Variants in PROX1 observed in about 807,000 individuals in gnomAD.
PROX1 encodes prospero homeobox 1.
Under a neutral mutation model 58.8 loss-of-function variants are expected in PROX1, and 7 were observed. That is an observed-to-expected ratio of 0.12 (90% CI 0.07 to 0.22). The LOEUF (loss-of-function observed/expected upper bound fraction) is 0.22, where lower values mean the gene tolerates loss of function less well. Ranked by LOEUF, PROX1 falls within the 10% of genes least tolerant of loss-of-function variation. PROX1 has a pLI of 1.00. For missense variants in PROX1, 675 were observed against 927.8 expected, an observed-to-expected ratio of 0.73 and a Z score of 3.54; for synonymous variants, 350 against 358.3, an observed-to-expected ratio of 0.98 and a Z score of 0.26.
chr1:214,002,372 A>C lies in PROX1; in HGVS notation c.1726-2793A>C, dbSNP rs1015686696. ...ATTCCCGAGCAGATGTCTTTCATTA[A>C]TTTATGGATTTATCATCTTTTCTTT... On this transcript the variant is annotated intron_variant, in intron 2 of 4. Coordinates refer to ENST00000366958, the MANE Select transcript of PROX1 (RefSeq NM_001270616.2). Among the ~76,000 whole-genome samples, 4 of 137,682 alleles carry C rather than the reference A, an allele frequency of 2.9e-5. No individual in the cohort carries two copies. In the East Asian group the frequency reaches 8.5e-4, roughly 29 times the overall value. The allele number at this position is 137,682 out of a possible 152,430, so 90.3% of individuals were successfully genotyped here.
intron 4 of PROX1, among the ~76,000 whole-genome samples, chr1:214,028,060 C>T (rs1160880833): frequency 4.0e-5 from 6 of 151,878 alleles, no homozygotes; most frequent in Admixed American, 1.3e-4. Context: ...GGGTATTAGA[C>T]GAATCTAATC....
intron 4 of PROX1, among the ~76,000 whole-genome samples, chr1:214,033,423 C>T (rs1463192048): frequency 6.6e-6 from 1 of 152,110 alleles, no homozygotes; most frequent in Non-Finnish European, 1.5e-5. Context: ...CATGGTGAAA[C>T]CCCATCTCTA....
chr1:214,020,257 C>T (rs1415779281), intron 4 of PROX1, among the ~76,000 whole-genome samples: 1 of 152,144 alleles, frequency 6.6e-6, no homozygotes, highest in African/African-American at 2.4e-5. Flanking sequence ...TTATTTGCAC[C>T]TGTGCATTGC....
At chr1:214,020,018 C>T (rs975452534) in intron 4 of PROX1, among the ~76,000 whole-genome samples, 1 of 152,120 alleles carries the variant, frequency 6.6e-6, no homozygotes, top group Non-Finnish European at 1.5e-5. Flanking sequence ...CCACTCCTGA[C>T]CACCTTTCCT....
chr1:213,997,786 T>C lies in PROX1; in HGVS notation c.1251T>C (p.Ile417=). 6.2e-7 allele frequency: 1 copy of C among 1,614,150 alleles called. No homozygotes were observed. Among genetic ancestry groups the C allele is most frequent in the South Asian group, 1.1e-5 (1 of 91,072 alleles). ...TGCAGTGCTTTGGCGACGTCATCAT[T>C]CCGAACCCCCTGGACACCTTTGGCA... The part of the protein sequence containing the change: ...QRLQCFGDVI[I]PNPLDTFGNV... Residue 417 remains isoleucine (I), a synonymous_variant, in exon 2 of 5, where the codon ATT becomes ATC. Transcript: ENST00000366958. This position sits in a 1 kb window ranked among gnomAD's most constrained non-coding sequence, Gnocchi z 7.1.
In PROX1 at chr1:213,996,977, A is replaced by T; in HGVS notation, c.442A>T (p.Thr148Ser). Residue 148 changes from threonine to serine, a missense_variant, in exon 2 of 5, where the codon ACT becomes TCT. Thr to Ser is a moderately conservative substitution (Grantham distance 58). This residue lies in a region of PROX1 where 157 missense variants were observed against 197.8 expected (regional missense o/e 0.79). Coordinates refer to ENST00000366958, the MANE Select transcript of PROX1 (RefSeq NM_001270616.2). Reference sequence around the variant, plus strand: ...GTGTCTTTCCCCTTTTGGCAGGCCTACTATGAGCCAGTTTGATATGGATCG... The same window carrying T: ...GTGTCTTTCCCCTTTTGGCAGGCCTTCTATGAGCCAGTTTGATATGGATCG... ...PECLSPFGRP[T>S]MSQFDMDRLC... The T allele has an allele frequency of 6.2e-7, 1 of 1,614,144 alleles. No homozygotes were observed. Among genetic ancestry groups the T allele is most frequent in the Non-Finnish European group, 8.5e-7 (1 of 1,180,050 alleles).
rs189248252 is a variant in PROX1 at position 214,039,773 on chromosome 1, C to T, written c.*3939C>T. The T allele has an allele frequency of 6.6e-6, 1 of 151,976 alleles. No homozygotes were observed. Among genetic ancestry groups the T allele is most frequent in the East Asian group, 1.9e-4 (1 of 5,168 alleles). 9.4% of individuals were successfully genotyped at this position (151,976 alleles called of 1,614,324 possible). The stretch of plus-strand genomic sequence containing the variant: ...ATGAAGACATTTAGTAAGTAACACC[C>T]CCCCTTCCCATGCGCACATGTGCGC... On this transcript the variant is annotated 3_prime_UTR_variant, in exon 5 of 5. Coordinates refer to ENST00000366958, the MANE Select transcript of PROX1 (RefSeq NM_001270616.2).
In PROX1 at chr1:213,996,628, T is replaced by G; in HGVS notation, c.93T>G (p.Ser31=). 1 of 1,614,202 alleles carries G rather than the reference T, an allele frequency of 6.2e-7. No individual in the cohort carries two copies. Among genetic ancestry groups the G allele is most frequent in the Non-Finnish European group, 8.5e-7 (1 of 1,180,038 alleles). The change falls in exon 2 of 5, where the codon TCT becomes TCG. Residue 31 remains serine, a synonymous_variant. Transcript: ENST00000366958. Reference sequence around the variant, plus strand: ...TGAAAAGGACGGTAGGGACAGCATCTGCATTTTTTGCTAAGGCAAGAGCAA... The same window carrying G: ...TGAAAAGGACGGTAGGGACAGCATCGGCATTTTTTGCTAAGGCAAGAGCAA... ...IGVKRTVGTA[S]AFFAKARATF... is the part of the protein sequence containing the mutation.
intron 4 of PROX1, among the ~76,000 whole-genome samples, chr1:214,026,736 G>C (rs566300565): frequency 4.6e-5 from 7 of 152,274 alleles, no homozygotes; most frequent in African/African-American, 1.7e-4. Context: ...AAGATACTCA[G>C]GGTGTATCTC....
At chr1:213,985,353 G>C (rs1014970486), upstream of PROX1, 1 of 152,364 alleles carries the variant, frequency 6.6e-6, no homozygotes, top group Non-Finnish European at 1.5e-5. Flanking sequence ...CGCAGCTCTA[G>C]CAAGAGAGGT....
At position 214,037,757 on chromosome 1, in the gene PROX1, T is replaced by G. The variant is rs1318543728; in HGVS notation, c.*1923T>G. The G allele has an allele frequency of 6.6e-6, 1 of 152,148 alleles. No individual in the cohort carries two copies. Among genetic ancestry groups the G allele is most frequent in the African/African-American group, 2.4e-5 (1 of 41,416 alleles). 9.4% of individuals were successfully genotyped at this position (152,148 alleles called of 1,614,324 possible). ...AGTCATTAGATCCAATTTGTTATTTTTCTCACTTGCTTTAAAAAAAAGCAG... is the reference window on the plus strand; with the variant it reads ...AGTCATTAGATCCAATTTGTTATTTGTCTCACTTGCTTTAAAAAAAAGCAG... On this transcript the variant is annotated 3_prime_UTR_variant, in exon 5 of 5. Coordinates refer to ENST00000366958, the MANE Select transcript of PROX1 (RefSeq NM_001270616.2).
At chr1:213,990,658 TCGTGTGTG>T (rs1369806749) in intron 1 of PROX1, among the ~76,000 whole-genome samples, 9 of 75,714 alleles carry the variant, frequency 1.2e-4, no homozygotes, top group Admixed American at 1.1e-3. Context: ...GAGAGAACTG[TCGTGTGTG>T]TGTGTGTGTG....
rs138665942 is a variant in PROX1 at position 214,016,714 on chromosome 1, C to T, written c.2028+4999C>T. 3.3e-3 allele frequency among the ~76,000 whole-genome samples: 501 copies of T among 152,140 alleles called. 1 individual carries two copies. Among genetic ancestry groups the T allele is most frequent in the Non-Finnish European group, 5.3e-3 (363 of 68,010 alleles). On this transcript the variant is annotated intron_variant, in intron 4 of 4. Transcript: ENST00000366958. ...TGATTGCCTGAAATTTGAAGGAGAG[C>T]GCAGTAAAGACACCAGGTTGGAAGT...
In PROX1 at chr1:213,997,462, C is replaced by G; in HGVS notation, c.927C>G (p.Asp309Glu). ...MCELDPGQFI[D>E]RARALIREQE... ...AGCTAGACCCAGGACAGTTTATTGA[C>G]CGAGCTCGAGCCCTGATCAGAGAGC... Residue 309 changes from aspartate to glutamate, a missense_variant, in exon 2 of 5, where the codon GAC becomes GAG. By Grantham distance (45) the Asp-to-Glu change is conservative. Around this residue, in one of 8 missense-constraint regions of PROX1, gnomAD observed 403 missense variants for 477.4 expected, o/e 0.84. Coordinates refer to ENST00000366958, the MANE Select transcript of PROX1 (RefSeq NM_001270616.2). This position sits in a 1 kb window ranked among gnomAD's most constrained non-coding sequence, Gnocchi z 7.1. The G allele has an allele frequency of 6.2e-7, 1 of 1,614,090 alleles. No individual in the cohort carries two copies. The highest frequency in any genetic ancestry group is 8.5e-7 in the Non-Finnish European group (1 of 1,180,028).
chr1:214,009,466 C>G (rs1663832884), intron 3 of PROX1, among the ~76,000 whole-genome samples: 1 of 152,114 alleles, frequency 6.6e-6, no homozygotes, highest in Admixed American at 6.5e-5. Flanking sequence ...AAAGCGGGGG[C>G]TTGCTTTTGC....
At position 214,038,613 on chromosome 1, in the gene PROX1, T is replaced by C. The variant is rs1450426017; in HGVS notation, c.*2779T>C. ...ATTTTTGCGTATACGCTTGAGGTTA[T>C]AGTCTGTGCCTAGACCTAAAATGCA... On this transcript the variant is annotated 3_prime_UTR_variant, in exon 5 of 5. Transcript: ENST00000366958. The C allele has an allele frequency of 6.6e-6, 1 of 152,216 alleles. No homozygotes were observed. The highest frequency in any genetic ancestry group is 1.5e-5 in the Non-Finnish European group (1 of 68,024). 9.4% of individuals were successfully genotyped at this position (152,216 alleles called of 1,614,324 possible).
chr1:214,000,337 G>A (rs974680615), intron 2 of PROX1, among the ~76,000 whole-genome samples: 1 of 152,138 alleles, frequency 6.6e-6, no homozygotes, highest in East Asian at 1.9e-4. Context: ...CAAATCCCCG[G>A]AGGAATTTTG....
At chr1:214,011,316 TA>T (rs1663901424) in intron 3 of PROX1, among the ~76,000 whole-genome samples, 1 of 152,204 alleles carries the variant, frequency 6.6e-6, no homozygotes, top group Non-Finnish European at 1.5e-5. Flanking sequence ...AGGGTTGTGA[TA>T]TGATTTCCAT....
rs1015109987 is a variant in PROX1, at chr1:214,009,553, G to A, written c.1834-1968G>A. On this transcript the variant is annotated intron_variant, in intron 3 of 4. Transcript: ENST00000366958. ...GAAACCCTGTTCCTTAGGCTGTTGG[G>A]CTGGTCATTTCGCTTGCCTCATGTT... Among the ~76,000 whole-genome samples the A allele has an allele frequency of 2.0e-5, 3 of 152,110 alleles. 1 individual carries two copies. The South Asian group carries it at 6.2e-4, about 32-fold the overall frequency.
Sources: gnomAD v4.1 joint callset for allele counts (sites outside exome capture counted in the v4.1 genomes callset) on GRCh38, gnomAD v4.1.1 for gene constraint, gnomAD v4.1.1 regional missense constraint, Gnocchi (gnomAD v3.1) non-coding constraint, MANE v1.5 for transcripts, NCBI Gene and HGNC (gene_info 2026-07-23, HGNC 2026-07-21) for gene names.